Variants in PARD3B observed in about 807,000 individuals in gnomAD.
The protein encoded by PARD3B is par-3 family cell polarity regulator beta.
PARD3B carries 103 observed loss-of-function variants against 130.2 expected under a neutral mutation model. The observed-to-expected ratio is 0.79, with a 90% CI of 0.67 to 0.93. The LOEUF (loss-of-function observed/expected upper bound fraction) is 0.93, where lower values mean the gene tolerates loss of function less well. Among genes scored for constraint, PARD3B ranks in the 40% least tolerant of loss-of-function variants. The probability of loss-of-function intolerance (pLI) is 0.00; values close to 1 mark genes in which losing one functional copy is unlikely to be tolerated. For synonymous variants in PARD3B, 583 were observed against 553.2 expected, an observed-to-expected ratio of 1.05 and a Z score of -0.76; for missense variants, 1,609 against 1,499.2, an observed-to-expected ratio of 1.07 and a Z score of -1.21.
chr2:204,848,451 A>G (rs2044557877), intron 2 of PARD3B, among the ~76,000 whole-genome samples: 1 of 152,166 alleles, frequency 6.6e-6, no homozygotes, highest in Non-Finnish European at 1.5e-5. Context: ...CCTGGGCAAC[A>G]TTGTGAGACC....
intron 15 of PARD3B, among the ~76,000 whole-genome samples, chr2:205,203,086 A>G (rs978446334): frequency 3.3e-5 from 5 of 152,174 alleles, no homozygotes; most frequent in Non-Finnish European, 2.9e-5. Flanking sequence ...CACTGTCTCT[A>G]AGAGAAATGT....
chr2:205,158,156 C>A lies in PARD3B; in HGVS notation c.1435-566C>A, dbSNP rs2034292848. On this transcript the variant is annotated intron_variant, in intron 10 of 22. Transcript: ENST00000406610. This position sits in a 1 kb window ranked among gnomAD's most constrained non-coding sequence, Gnocchi z 5.4. ...TCATTTGATGATATCCATTATAAAT[C>A]GTTTTTCTCTAACTTTAAAGTAACA... Among the ~76,000 whole-genome samples the A allele has an allele frequency of 2.0e-5, 3 of 152,124 alleles. No individual in the cohort carries two copies. The highest frequency in any genetic ancestry group is 6.5e-5 in the Admixed American group (1 of 15,272).
chr2:205,350,019 G>A (rs549795157), intron 18 of PARD3B, among the ~76,000 whole-genome samples: 71 of 152,038 alleles, frequency 4.7e-4, no homozygotes, highest in African/African-American at 1.7e-3. Flanking sequence ...CTGGTTTGTG[G>A]GGTTCATCTG....
chr2:204,812,637 A>G (rs1559165089), intron 2 of PARD3B, among the ~76,000 whole-genome samples: 2 of 152,208 alleles, frequency 1.3e-5, no homozygotes, highest in Admixed American at 1.3e-4. Flanking sequence ...TGTATACATG[A>G]TCATTTGAGT....
intron 4 of PARD3B, among the ~76,000 whole-genome samples, chr2:205,089,064 G>C (rs576387292): frequency 1.9e-4 from 29 of 151,610 alleles, no homozygotes; most frequent in Non-Finnish European, 2.5e-4. Flanking sequence ...GCCTCCCAAC[G>C]TGCTGGGATT....
At chr2:205,354,477 G>T (rs375890858) in intron 18 of PARD3B, among the ~76,000 whole-genome samples, 3 of 30,262 alleles carry the variant, frequency 9.9e-5, no homozygotes, top group Non-Finnish European at 3.8e-4. Flanking sequence ...ATGAAAAAAA[G>T]TAAAAAATTA....
In PARD3B at chr2:205,341,192, A is replaced by C. The variant is rs1186716366; in HGVS notation, c.2630+39491A>C. ...TATGGGAAACAGTATAGTGGTTTAA[A>C]ATCTATATTAAAATTAGGACTGCCA... On this transcript the variant is annotated intron_variant, in intron 18 of 22. Transcript: ENST00000406610. This position sits in a 1 kb window ranked among gnomAD's most constrained non-coding sequence, Gnocchi z 4.3. Among the ~76,000 whole-genome samples, 1 of 152,126 alleles carries C rather than the reference A, an allele frequency of 6.6e-6. No individual in the cohort carries two copies. Among genetic ancestry groups the C allele is most frequent in the Non-Finnish European group, 1.5e-5 (1 of 67,984 alleles).
chr2:205,296,272 T>C (rs1333522498), intron 16 of PARD3B, among the ~76,000 whole-genome samples: 2 of 152,218 alleles, frequency 1.3e-5, no homozygotes, highest in Non-Finnish European at 2.9e-5. Context: ...TTCTACAGCC[T>C]CCTTTTAATC....
rs2051281288 is a variant in PARD3B, at chr2:205,525,172, C to T, written c.3180+25141C>T. Among the ~76,000 whole-genome samples, 1 of 152,084 alleles carries T rather than the reference C, an allele frequency of 6.6e-6. No individual in the cohort carries two copies. The highest frequency in any genetic ancestry group is 1.9e-4 in the East Asian group (1 of 5,172). ...ATGGTATGACTGGAAAATACTAGGG[C>T]TTTTTTCCCCTCCTACATGGTTAAC... is the stretch of plus-strand genomic sequence containing the variant. On this transcript the variant is annotated intron_variant, in intron 21 of 22. Coordinates refer to ENST00000406610, the MANE Select transcript of PARD3B (RefSeq NM_001302769.2). The surrounding 1 kb of genome is among the most constrained non-coding windows in gnomAD (Gnocchi z 4.2).
chr2:204,743,789 C>G (rs1391330432), intron 2 of PARD3B, among the ~76,000 whole-genome samples: 1 of 152,184 alleles, frequency 6.6e-6, no homozygotes. Flanking sequence ...GATCTCAGAC[C>G]GTAGCCAAGT....
chr2:204,940,513 C>A (rs1478128673), intron 2 of PARD3B, among the ~76,000 whole-genome samples: 1 of 147,780 alleles, frequency 6.8e-6, no homozygotes, highest in Non-Finnish European at 1.5e-5. Flanking sequence ...TCTAGAAGTT[C>A]TGTGTCTGGG....
At chr2:204,840,051 G>A (rs1269124740) in intron 2 of PARD3B, among the ~76,000 whole-genome samples, 1 of 151,982 alleles carries the variant, frequency 6.6e-6, no homozygotes, top group Non-Finnish European at 1.5e-5. Flanking sequence ...GAAGGTAAGG[G>A]ATTTACATCC....
At chr2:205,474,648 T>C (rs2048964212) in intron 20 of PARD3B, among the ~76,000 whole-genome samples, 1 of 152,162 alleles carries the variant, frequency 6.6e-6, no homozygotes, top group Non-Finnish European at 1.5e-5. Context: ...GCTACACAGC[T>C]TGAATTATTT....
chr2:205,032,415 C>T (rs551211859), intron 3 of PARD3B, among the ~76,000 whole-genome samples: 23 of 152,168 alleles, frequency 1.5e-4, no homozygotes, highest in Non-Finnish European at 2.5e-4. Context: ...TTCTTCCTAC[C>T]GGATGCATAA....
chr2:204,639,970 G>A lies in PARD3B; in HGVS notation c.121-46211G>A, dbSNP rs185533550. On this transcript the variant is annotated intron_variant, in intron 1 of 22. Transcript: ENST00000406610. ...TCTACTTGCCCTTATAAATATACTC[G>A]TTGCTGGGCATGGTGGCTCATGCCT... Among the ~76,000 whole-genome samples, 6 of 152,142 alleles carry A rather than the reference G, an allele frequency of 3.9e-5. No individual in the cohort carries two copies. The East Asian group carries it at 5.8e-4, about 15-fold the overall frequency.
intron 1 of PARD3B, among the ~76,000 whole-genome samples, chr2:204,582,509 C>A (rs73984241): frequency 2.0e-5 from 3 of 151,988 alleles, no homozygotes; most frequent in East Asian, 3.9e-4. Context: ...AGGTTCCCCC[C>A]CCTCATTTCA....
intron 2 of PARD3B, among the ~76,000 whole-genome samples, chr2:204,910,102 A>G (rs1301142286): frequency 3.3e-5 from 5 of 152,190 alleles, no homozygotes; most frequent in African/African-American, 1.2e-4. Context: ...TGTCTTTGGA[A>G]GGAAGCAGAG....
chr2:205,324,728 A>G (rs552796251), intron 18 of PARD3B, among the ~76,000 whole-genome samples: 76 of 152,038 alleles, frequency 5.0e-4, no homozygotes, highest in African/African-American at 1.8e-3. Flanking sequence ...CTATACCTCT[A>G]TACCCAGTCC....
At position 205,552,712 on chromosome 2, in the gene PARD3B, C is replaced by A. The variant is rs189711238; in HGVS notation, c.3181-612C>A. On this transcript the variant is annotated intron_variant, in intron 21 of 22. Coordinates refer to ENST00000406610, the MANE Select transcript of PARD3B (RefSeq NM_001302769.2). ...TGCAGGCATGAGCCACCGAACCCAG[C>A]CAGAAACGGTGCTTTTAAAAATATG... Among the ~76,000 whole-genome samples, 4 of 152,090 alleles carry A rather than the reference C, an allele frequency of 2.6e-5. No individual in the cohort carries two copies. In the East Asian group the frequency reaches 7.8e-4, roughly 30 times the overall value.
Sources: allele counts gnomAD v4.1 joint callset (sites outside exome capture counted in the v4.1 genomes callset), GRCh38; gene constraint gnomAD v4.1.1; non-coding constraint Gnocchi (gnomAD v3.1); transcripts MANE v1.5; gene names NCBI Gene and HGNC (gene_info 2026-07-23, HGNC 2026-07-21).